Variants in SNX29 observed in about 807,000 individuals in gnomAD.
The protein encoded by SNX29 is sorting nexin 29, also known as sorting nexin-29.
In SNX29, 78 loss-of-function variants were observed where a neutral mutation model predicts 102.1. The ratio of observed to expected loss-of-function variants is 0.76; its 90% confidence interval spans 0.64 to 0.92. The LOEUF (loss-of-function observed/expected upper bound fraction) is 0.92, where lower values mean the gene tolerates loss of function less well. Among genes scored for constraint, SNX29 ranks in the 40% least tolerant of loss-of-function variants. The pLI is 0.00. For missense variants in SNX29, 1,280 were observed against 1,061.7 expected (o/e 1.21, Z -2.86); for synonymous variants, 580 against 414.5 (o/e 1.40, Z -4.85).
At chr16:12,165,224 A>G (rs1358194393) in intron 13 of SNX29, among the ~76,000 whole-genome samples, 2 of 152,226 alleles carry the variant, frequency 1.3e-5, no homozygotes, top group Admixed American at 6.5e-5. Context: ...TCTGTTGCTC[A>G]TGTGTTTCCT....
At chr16:12,551,517 C>A (rs371374163) in intron 20 of SNX29, among the ~76,000 whole-genome samples, 1 of 152,170 alleles carries the variant, frequency 6.6e-6, no homozygotes, top group East Asian at 1.9e-4. Context: ...GCATCAGGAT[C>A]TTTTTAAAGT....
intron 20 of SNX29, among the ~76,000 whole-genome samples, chr16:12,525,876 C>G (rs34665729): frequency 1.3e-5 from 2 of 152,126 alleles, no homozygotes; most frequent in Non-Finnish European, 2.9e-5. Flanking sequence ...GGTCCCATTG[C>G]TGGGAAACGT....
At chr16:12,035,202 CCCT>C (rs971761239) in intron 4 of SNX29, among the ~76,000 whole-genome samples, 6 of 135,526 alleles carry the variant, frequency 4.4e-5, no homozygotes. Flanking sequence ...TTAGAAATTT[CCCT>C]TTTTTTTTTT....
intron 8 of SNX29, among the ~76,000 whole-genome samples, chr16:12,059,682 C>T (rs2050689224): frequency 6.6e-6 from 1 of 152,214 alleles, no homozygotes; most frequent in Admixed American, 6.5e-5. Context: ...ACAGTTGTTA[C>T]ATTTTTAAAG....
intron 11 of SNX29, among the ~76,000 whole-genome samples, chr16:12,097,565 G>A (rs1351251975): frequency 6.6e-6 from 1 of 150,762 alleles, no homozygotes; most frequent in East Asian, 1.9e-4. Context: ...GTCTTTTTTA[G>A]CATTTGTTCA....
At chr16:12,508,242 C>A (rs564818859) in intron 19 of SNX29, among the ~76,000 whole-genome samples, 10 of 152,278 alleles carry the variant, frequency 6.6e-5, no homozygotes, top group African/African-American at 2.4e-4. Context: ...GGCAAGGTCA[C>A]GCATCCCCGG....
chr16:12,562,109 TCA>T (rs948159826), intron 20 of SNX29, among the ~76,000 whole-genome samples: 72 of 152,272 alleles, frequency 4.7e-4, no homozygotes, highest in African/African-American at 1.6e-3. Flanking sequence ...CTAAGGCCGT[TCA>T]CTCTCCTGTG....
At chr16:12,373,099 G>C (rs1414412713) in intron 16 of SNX29, 1 of 152,152 alleles carries the variant, frequency 6.6e-6, no homozygotes, top group African/African-American at 2.4e-5. Context: ...TCTTTTTAGA[G>C]TCTTCATGTC....
intron 11 of SNX29, among the ~76,000 whole-genome samples, chr16:12,089,144 AAAAGAG>A (rs1485762957): frequency 6.7e-6 from 1 of 148,680 alleles, no homozygotes; most frequent in Non-Finnish European, 1.5e-5. Context: ...AGAGAGAGAG[AAAAGAG>A]AAAGAGAAAG....
chr16:12,492,698 A>T (rs1364067396), intron 19 of SNX29, among the ~76,000 whole-genome samples: 3 of 152,112 alleles, frequency 2.0e-5, no homozygotes, highest in African/African-American at 7.2e-5. Flanking sequence ...ATCTTGAATT[A>T]ATTTTTGTAT....
At chr16:12,208,074 C>A (rs962280214) in intron 14 of SNX29, among the ~76,000 whole-genome samples, 1 of 152,174 alleles carries the variant, frequency 6.6e-6, no homozygotes, top group Non-Finnish European at 1.5e-5. Context: ...AGAAGGGAAA[C>A]AAGTTTGGGG....
At chr16:12,470,668 A>G (rs745505204) in intron 18 of SNX29, among the ~76,000 whole-genome samples, 1 of 152,148 alleles carries the variant, frequency 6.6e-6, no homozygotes, top group African/African-American at 2.4e-5. Flanking sequence ...TAGCTGTCCA[A>G]TCCACAGAGC....
At chr16:12,136,768 C>T (rs570836431) in intron 13 of SNX29, among the ~76,000 whole-genome samples, 1 of 152,076 alleles carries the variant, frequency 6.6e-6, no homozygotes, top group African/African-American at 2.4e-5. Flanking sequence ...GAGACAGAGT[C>T]TCGCTCTGTC....
At chr16:12,328,607 C>A (rs898883749) in intron 15 of SNX29, among the ~76,000 whole-genome samples, 1 of 152,158 alleles carries the variant, frequency 6.6e-6, no homozygotes, top group Non-Finnish European at 1.5e-5. Context: ...TCTCTGACTT[C>A]TCGGTCAGCT....
Position 12,130,366 on chromosome 16 carries a change from G to T in SNX29, c.1595+608G>T, listed in dbSNP as rs539559389. 5.8e-4 allele frequency among the ~76,000 whole-genome samples: 88 copies of T among 150,460 alleles called. 1 individual carries two copies. The highest frequency in any genetic ancestry group is 2.7e-3 in the Admixed American group (40 of 15,080). On this transcript the variant is annotated intron_variant, in intron 13 of 20. Transcript: ENST00000566228. ...GACGGACGCCTGTAGTCCCAGCTAC[G>T]CGGGAGGCTGAGGCAGGAGAATGGC...
chr16:12,241,389 A>G (rs2078100208), intron 14 of SNX29, among the ~76,000 whole-genome samples: 1 of 152,106 alleles, frequency 6.6e-6, no homozygotes, highest in African/African-American at 2.4e-5. Flanking sequence ...AGACAATGGC[A>G]TGATCAAGGA....
At chr16:12,114,260 A>G (rs2053607024) in intron 11 of SNX29, among the ~76,000 whole-genome samples, 1 of 152,182 alleles carries the variant, frequency 6.6e-6, no homozygotes, top group African/African-American at 2.4e-5. Context: ...GTACAGCTGC[A>G]AGTAGGCGTC....
intron 15 of SNX29, among the ~76,000 whole-genome samples, chr16:12,352,487 G>A (rs1277593953): frequency 6.6e-6 from 1 of 152,088 alleles, no homozygotes; most frequent in Non-Finnish European, 1.5e-5. Flanking sequence ...TGCACGTTGT[G>A]CACACGTACC....
At chr16:12,501,580 A>T (rs1462816741) in intron 19 of SNX29, among the ~76,000 whole-genome samples, 1 of 151,642 alleles carries the variant, frequency 6.6e-6, no homozygotes, top group Non-Finnish European at 1.5e-5. Context: ...AAATTAGCTG[A>T]GCATGGTGAT....
Sources: allele counts gnomAD v4.1 joint callset (sites outside exome capture counted in the v4.1 genomes callset), GRCh38; gene constraint gnomAD v4.1.1; transcripts MANE v1.5; gene names NCBI Gene and HGNC (gene_info 2026-07-23, HGNC 2026-07-21).